Variants in CYRIB observed in about 807,000 individuals in gnomAD.
The protein encoded by CYRIB is CYFIP-related Rac1 interactor B.
A neutral mutation model predicts 44.2 loss-of-function variants in CYRIB; 8 were observed. The ratio of observed to expected loss-of-function variants is 0.18; its 90% CI spans 0.11 to 0.33. The LOEUF (loss-of-function observed/expected upper bound fraction) is 0.33. Among genes scored for constraint, CYRIB ranks in the 10% least tolerant of loss-of-function variants. The probability of loss-of-function intolerance (pLI) is 1.00; values close to 1 mark genes in which losing one functional copy is unlikely to be tolerated. For synonymous variants in CYRIB, 131 were observed against 127.2 expected, an observed-to-expected ratio of 1.03 and a Z score of -0.20; for missense variants, 185 against 382.8, an observed-to-expected ratio of 0.48 and a Z score of 4.31.
intron 2 of CYRIB, among the ~76,000 whole-genome samples, chr8:129,902,533 T>C (rs534612614): frequency 9.9e-5 from 15 of 152,140 alleles, no homozygotes; most frequent in Non-Finnish European, 1.6e-4. Context: ...TTTTTGTTTT[T>C]AGAGACAGGG....
intron 5 of CYRIB, among the ~76,000 whole-genome samples, chr8:129,860,698 G>C (rs1280902661): frequency 6.6e-6 from 1 of 151,536 alleles, no homozygotes; most frequent in East Asian, 1.9e-4. Flanking sequence ...AAATACAAAT[G>C]GCCAAATAGC....
At position 129,914,841 on chromosome 8, in the gene CYRIB, A is replaced by T. The variant is rs527398775; in HGVS notation, c.-49-11491T>A. Among the ~76,000 whole-genome samples the T allele has an allele frequency of 1.7e-4, 26 of 152,384 alleles. 1 individual carries two copies. The highest frequency in any genetic ancestry group is 5.8e-4 in the African/African-American group (24 of 41,602). On this transcript the variant is annotated intron_variant, in intron 1 of 11. Coordinates refer to ENST00000519824, the Ensembl canonical transcript of CYRIB. ...AGCACAAAATGAGAACTGCCTGTAT[A>T]CACAACTTTCACAACCTAAGAAGGA...
chr8:129,933,844 G>A (rs1208450298), intron 1 of CYRIB, among the ~76,000 whole-genome samples: 6 of 151,526 alleles, frequency 4.0e-5, no homozygotes, highest in South Asian at 2.1e-4. Flanking sequence ...ATTGCACTCC[G>A]GCCTGGGTGA....
rs111364479 is a variant in CYRIB, at chr8:129,909,718, T to C, written c.-49-6368A>G. 7.1e-3 allele frequency among the ~76,000 whole-genome samples: 1,084 copies of C among 152,322 alleles called. 13 individuals carry two copies. The highest frequency in any genetic ancestry group is 0.025 in the African/African-American group (1,034 of 41,566). On this transcript the variant is annotated intron_variant, in intron 1 of 11. Transcript: ENST00000519824. ...TCCCAGTCTAATATAAAAACGTTTA[T>C]GAACTATTATTTTATTACACAACCT...
chr8:130,012,211 A>T (rs998313597), intron 1 of CYRIB, among the ~76,000 whole-genome samples: 1 of 152,146 alleles, frequency 6.6e-6, no homozygotes, highest in African/African-American at 2.4e-5. Flanking sequence ...GGAAAAAAAA[A>T]ATCAATGGGA....
chr8:129,888,122 C>A (rs1045807967), intron 2 of CYRIB, among the ~76,000 whole-genome samples: 1 of 152,162 alleles, frequency 6.6e-6, no homozygotes, highest in Non-Finnish European at 1.5e-5. Context: ...AAGGAGCCTG[C>A]TGGGAGGAGA....
chr8:130,011,484 G>A (rs1450251556), intron 1 of CYRIB, among the ~76,000 whole-genome samples: 4 of 151,532 alleles, frequency 2.6e-5, no homozygotes, highest in Non-Finnish European at 5.9e-5. Flanking sequence ...TCATGCCATT[G>A]CACTCTAACC....
chr8:129,935,035 T>C (rs901489722), intron 1 of CYRIB, among the ~76,000 whole-genome samples: 3 of 152,218 alleles, frequency 2.0e-5, no homozygotes, highest in African/African-American at 4.8e-5. Flanking sequence ...CTATAACTGG[T>C]TGCAGAAAAT....
At chr8:129,861,584 A>G (rs1323657311) in intron 5 of CYRIB, among the ~76,000 whole-genome samples, 2 of 149,984 alleles carry the variant, frequency 1.3e-5, no homozygotes, top group Admixed American at 6.6e-5. Context: ...GACCACAAGC[A>G]TGTGCCACCA....
chr8:129,900,940 C>T (rs1446303545), intron 2 of CYRIB, among the ~76,000 whole-genome samples: 1 of 152,212 alleles, frequency 6.6e-6, no homozygotes, highest in East Asian at 1.9e-4. Flanking sequence ...ACCCAAAGTG[C>T]TGGAATTACA....
chr8:129,930,030 G>T (rs1442954353), intron 1 of CYRIB, among the ~76,000 whole-genome samples: 1 of 151,950 alleles, frequency 6.6e-6, no homozygotes, highest in East Asian at 1.9e-4. Context: ...GACCAACATG[G>T]TGAAACCCCA....
At chr8:129,855,743 T>C (rs2045888338) in exon 6 of CYRIB, 1 of 1,599,604 alleles carries the variant, frequency 6.3e-7, no homozygotes, top group Non-Finnish European at 8.5e-7. Flanking sequence ...CTCTTAATGC[T>C]GCTTCTAAAG....
chr8:129,903,389 A>G (rs930456876), intron 1 of CYRIB, 39 bp from the exon 4 acceptor site: 8 of 152,656 alleles, frequency 5.2e-5, no homozygotes, highest in African/African-American at 1.9e-4. Flanking sequence ...AGTCTAAAAC[A>G]TTATTATACT....
chr8:129,932,442 T>C (rs1053637407), intron 1 of CYRIB, among the ~76,000 whole-genome samples: 9 of 152,106 alleles, frequency 5.9e-5, no homozygotes, highest in Admixed American at 1.3e-4. Flanking sequence ...TTAGAAAAGA[T>C]CTGGGTTCCC....
chr8:130,008,319 C>T (rs1467269818), intron 1 of CYRIB: 2 of 154,306 alleles, frequency 1.3e-5, no homozygotes, highest in Non-Finnish European at 2.9e-5. Flanking sequence ...CCACCATCAA[C>T]CTGCTGGCCT....
chr8:129,947,418 TAAAC>T (rs2094224593), intron 2 of CYRIB, among the ~76,000 whole-genome samples: 1 of 151,930 alleles, frequency 6.6e-6, no homozygotes, highest in Non-Finnish European at 1.5e-5. Flanking sequence ...CCCAAAGAAA[TAAAC>T]AACCAAAAAC....
At chr8:129,848,254 T>C (rs1339552873) in intron 10 of CYRIB, among the ~76,000 whole-genome samples, 4 of 152,206 alleles carry the variant, frequency 2.6e-5, no homozygotes, top group African/African-American at 9.7e-5. Context: ...TATTAACTCA[T>C]TTCTCTTTAC....
chr8:129,842,046 A>T, exon 12 of CYRIB: 1 of 809,990 alleles, frequency 1.2e-6, no homozygotes, highest in Non-Finnish European at 2.0e-6. Flanking sequence ...AAAAGCAAGA[A>T]TAAATGAGAT....
intron 1 of CYRIB, among the ~76,000 whole-genome samples, chr8:129,933,887 C>CA (rs530230225): frequency 0.016 from 2,061 of 131,250 alleles, 35 homozygotes; most frequent in African/African-American, 0.05. Flanking sequence ...GTCACACACA[C>CA]AAAAAAAAAA....
Sources: allele counts gnomAD v4.1 joint callset (sites outside exome capture counted in the v4.1 genomes callset), GRCh38; gene constraint gnomAD v4.1.1; transcripts MANE v1.5; gene names NCBI Gene and HGNC (gene_info 2026-07-23, HGNC 2026-07-21).